The following CHRD variants were observed in gnomAD, a reference collection of about 807,000 sequenced individuals.
CHRD encodes chordin.
A neutral mutation model predicts 113.7 loss-of-function variants in CHRD; 69 were observed. The ratio of observed to expected loss-of-function variants is 0.61; its 90% confidence interval spans 0.50 to 0.74. The LOEUF (loss-of-function observed/expected upper bound fraction) is 0.74. CHRD is among the 30% of genes least tolerant of loss of function. CHRD has a pLI of 0.00. For synonymous variants in CHRD, 561 were observed against 540.8 expected (o/e 1.04, Z -0.52); for missense variants, 1,194 against 1,295.8 (o/e 0.92, Z 1.21).
rs752848515 is a variant in CHRD at position 184,387,935 on chromosome 3, G to C, written c.2456G>C (p.Gly819Ala). Residue 819 changes from glycine (G) to alanine (A), a missense_variant, in exon 20 of 23, where the codon GGC becomes GCC. Coordinates refer to ENST00000204604, the Ensembl canonical transcript of CHRD. This position sits in a 1 kb window ranked among gnomAD's most constrained non-coding sequence, Gnocchi z 6.1. Reference sequence around the variant, plus strand: ...TTGCTCAATGGATCCCTACAGGGGGGCACTGGAGAGGTGCACTGTGAGAAG... The same window carrying C: ...TTGCTCAATGGATCCCTACAGGGGGCCACTGGAGAGGTGCACTGTGAGAAG... The C allele has an allele frequency of 5.0e-6, 8 of 1,611,304 alleles. No homozygotes were observed. Among genetic ancestry groups the C allele is most frequent in the Admixed American group, 3.4e-5 (2 of 59,604 alleles).
rs1715563092 is a variant in CHRD, at chr3:184,382,318, TG to T, written c.700-70del. ...TTCCATGTTCCTTTTTCATAAGCCC[TG>T]CCTGGGCATCCTAATTGGCCTAGCC... On this transcript the variant is annotated intron_variant, in intron 6 of 22. Transcript: ENST00000204604. 7 of 1,596,510 alleles carry T rather than the reference TG, an allele frequency of 4.4e-6. No individual in the cohort carries two copies. In the South Asian group the frequency reaches 7.8e-5, roughly 18 times the overall value.
chr3:184,381,615 G>A lies in CHRD; in HGVS notation c.502G>A (p.Gly168Ser). ...CGCTGAGGAGCGGGCCCGTGGTGAC[G>A]GCCACACGGGTAGGGGGCTGGCGAA... The change falls in exon 4 of 23, where the codon GGC (glycine) becomes AGC (serine). Residue 168 changes from glycine to serine, a missense_variant. Physicochemically the swap from Gly to Ser is moderately conservative, Grantham distance 56. Coordinates refer to ENST00000204604, the Ensembl canonical transcript of CHRD. This position sits in a 1 kb window ranked among gnomAD's most constrained non-coding sequence, Gnocchi z 4.7. 2 of 1,606,188 alleles carry A rather than the reference G, an allele frequency of 1.2e-6. No individual in the cohort carries two copies. Among genetic ancestry groups the A allele is most frequent in the Non-Finnish European group, 1.7e-6 (2 of 1,176,176 alleles).
At position 184,380,371 on chromosome 3, in the gene CHRD, T is replaced by A; in HGVS notation, c.53T>A (p.Leu18Gln). The A allele has an allele frequency of 7.4e-7, 1 of 1,344,416 alleles. No homozygotes were observed. The highest frequency in any genetic ancestry group is 9.6e-7 in the Non-Finnish European group (1 of 1,036,850). The allele number at this position is 1,344,416 out of a possible 1,614,324, so 83.3% of individuals were successfully genotyped here. A position where few individuals can be genotyped will look rare whatever the true frequency, so the allele number is the denominator to read the frequency against. ...CCGCTGCTGCTCCTCGGGCTGCTGC[T>A]GCTCGGCTCCCGGCCGGCCCGCGGC... is the stretch of plus-strand genomic sequence containing the variant. The change falls in exon 1 of 23, where the codon CTG (leucine) becomes CAG (glutamine). Residue 18 changes from leucine to glutamine, a missense_variant. Physicochemically the swap from Leu to Gln is moderately radical, Grantham distance 113. Coordinates refer to ENST00000204604, the Ensembl canonical transcript of CHRD. This position sits in a 1 kb window ranked among gnomAD's most constrained non-coding sequence, Gnocchi z 6.3.
In CHRD at chr3:184,387,832, C is replaced by A; in HGVS notation, c.2452-99C>A. On this transcript the variant is annotated intron_variant, in intron 19 of 22. Coordinates refer to ENST00000204604, the Ensembl canonical transcript of CHRD. The surrounding 1 kb of genome is among the most constrained non-coding windows in gnomAD (Gnocchi z 6.1). ...CAGTCCGGGCCTCTGAGTAAAAGGC[C>A]ACAGAGAGACTGCATTTGAGGTGTG... 8.9e-7 allele frequency: 1 copy of A among 1,120,940 alleles called. No individual in the cohort carries two copies. Among genetic ancestry groups the A allele is most frequent in the Non-Finnish European group, 1.3e-6 (1 of 758,556 alleles). The allele number at this position is 1,120,940 out of a possible 1,614,324, so 69.4% of individuals were successfully genotyped here. A position where few individuals can be genotyped will look rare whatever the true frequency, so the allele number is the denominator to read the frequency against.
In CHRD at chr3:184,381,235, C is replaced by T. The variant is rs1457647875; in HGVS notation, c.253C>T (p.Pro85Ser). The T allele has an allele frequency of 1.2e-6, 2 of 1,613,258 alleles. No homozygotes were observed. The highest frequency in any genetic ancestry group is 2.2e-5 in the East Asian group (1 of 44,864). Residue 85 changes from proline to serine, a missense_variant and splice_region_variant, in exon 3 of 23, where the codon CCT becomes TCT. Physicochemically the swap from Pro to Ser is moderately conservative, Grantham distance 74. Transcript: ENST00000204604. This position sits in a 1 kb window ranked among gnomAD's most constrained non-coding sequence, Gnocchi z 4.7. ...GGTTTCCCGCCTTTTCCGGGAGCAG[C>T]CTCAGTGGGGTCGCCGTACCAGGGG...
Position 184,381,825 on chromosome 3 carries a change from G to C in CHRD, c.611+10G>C. Reference sequence around the variant, plus strand: ...CTATCTCCTACAGGCGGTGAGAAAGGGGAAGGAGCAAGGAGGGGTCAGCTG... The same window carrying C: ...CTATCTCCTACAGGCGGTGAGAAAGCGGAAGGAGCAAGGAGGGGTCAGCTG... On this transcript the variant is annotated intron_variant, in intron 5 of 22. Coordinates refer to ENST00000204604, the Ensembl canonical transcript of CHRD. The surrounding 1 kb of genome is among the most constrained non-coding windows in gnomAD (Gnocchi z 4.7). 1 of 1,612,790 alleles carries C rather than the reference G, an allele frequency of 6.2e-7. No individual in the cohort carries two copies. The highest frequency in any genetic ancestry group is 1.1e-5 in the South Asian group (1 of 90,936).
Position 184,381,758 on chromosome 3 carries a change from C to CTG in CHRD, c.554_555insTG (p.Arg186AspfsTer75). On this transcript the variant is annotated frameshift_variant, in exon 5 of 23. Transcript: ENST00000204604. LOFTEE classifies it high-confidence loss of function. This position sits in a 1 kb window ranked among gnomAD's most constrained non-coding sequence, Gnocchi z 4.7. ...ACAGGGCCGAGGTCGCAGGCGGTGG[C>CTG]ACGAGCCCGAGTCTCGCTGCTGCGC... 6.2e-7 allele frequency: 1 copy of CTG among 1,613,174 alleles called. No individual in the cohort carries two copies.
Position 184,381,201 on chromosome 3 carries a change from A to C in CHRD, c.253-34A>C, listed in dbSNP as rs775197496. 6.8e-6 allele frequency: 11 copies of C among 1,611,902 alleles called. No homozygotes were observed. The Admixed American group carries it at 8.3e-5, about 12-fold the overall frequency. ...GGGGTCTCATCAGTTGGCATCTTGC[A>C]CTCACTTGGGTTTCCCGCCTTTTCC... On this transcript the variant is annotated intron_variant, in intron 2 of 22. Transcript: ENST00000204604. The surrounding 1 kb of genome is among the most constrained non-coding windows in gnomAD (Gnocchi z 4.7).
chr3:184,380,818 C>G lies in CHRD; in HGVS notation c.252+23C>G. 6.5e-7 allele frequency: 1 copy of G among 1,547,530 alleles called. No individual in the cohort carries two copies. Among genetic ancestry groups the G allele is most frequent in the Non-Finnish European group, 8.7e-7 (1 of 1,152,952 alleles). ...GCGGTGAGTGCACCCCGCGGCCGGC[C>G]CGGGCCCTGGCGGGTGGGGAGCGCC... On this transcript the variant is annotated intron_variant, in intron 2 of 22. Transcript: ENST00000204604. The surrounding 1 kb of genome is among the most constrained non-coding windows in gnomAD (Gnocchi z 6.3).
chr3:184,383,476 G>A (rs1715795216), intron 11 of CHRD, 47 bp from the exon 12 acceptor site: 18 of 1,613,540 alleles, frequency 1.1e-5, no homozygotes, highest in Non-Finnish European at 1.4e-5. Flanking sequence ...CAGGCCCCAG[G>A]CCTTTACTGC....
chr3:184,386,130 G>A (rs1716239421), exon 15 of CHRD: 2 of 1,614,098 alleles, frequency 1.2e-6, no homozygotes. Flanking sequence ...CACCACCAAG[G>A]GTAGCCCCAG....
At position 184,380,223 on chromosome 3, in the gene CHRD, C is replaced by G. The variant is rs1715047485; in HGVS notation, c.-96C>G. On this transcript the variant is annotated 5_prime_UTR_variant, in exon 1 of 23. Coordinates refer to ENST00000204604, the Ensembl canonical transcript of CHRD. This position sits in a 1 kb window ranked among gnomAD's most constrained non-coding sequence, Gnocchi z 6.3. The stretch of plus-strand genomic sequence containing the variant: ...CGGCCCCCTCCCGCCGCACCGCCCC[C>G]GGCCCGGCCCTCCGCCCTCCGCACT... The G allele has an allele frequency of 2.7e-6, 1 of 369,240 alleles. No individual in the cohort carries two copies. The highest frequency in any genetic ancestry group is 3.9e-6 in the Non-Finnish European group (1 of 253,858). The allele number at this position is 369,240 out of a possible 1,614,324, so 22.9% of individuals were successfully genotyped here.
At chr3:184,386,354 G>T in intron 15 of CHRD, 138 bp from the exon 16 acceptor site, 2 of 1,328,988 alleles carry the variant, frequency 1.5e-6, no homozygotes, top group Non-Finnish European at 2.1e-6. Context: ...CAGCTGAGAT[G>T]ATTGTGGAGC....
Position 184,380,346 on chromosome 3 carries a change from C to T in CHRD, c.28C>T (p.Pro10Ser). Residue 10 changes from proline (P) to serine (S), a missense_variant, in exon 1 of 23, where the codon CCG becomes TCG. By Grantham distance (74) the Pro-to-Ser change is moderately conservative. Coordinates refer to ENST00000204604, the Ensembl canonical transcript of CHRD. This position sits in a 1 kb window ranked among gnomAD's most constrained non-coding sequence, Gnocchi z 6.3. ...GCCGAGCCTCCCGGCCCCGCCGGCCCCGCTGCTGCTCCTCGGGCTGCTGCT... is the reference window on the plus strand; with the variant it reads ...GCCGAGCCTCCCGGCCCCGCCGGCCTCGCTGCTGCTCCTCGGGCTGCTGCT... The T allele has an allele frequency of 7.4e-7, 1 of 1,358,170 alleles. No homozygotes were observed. The allele number at this position is 1,358,170 out of a possible 1,614,324, so 84.1% of individuals were successfully genotyped here. A position where few individuals can be genotyped will look rare whatever the true frequency, so the allele number is the denominator to read the frequency against.
rs918630405 is a variant in CHRD, at chr3:184,387,286, G to A, written c.2348-88G>A. 1.7e-5 allele frequency: 25 copies of A among 1,466,202 alleles called. No homozygotes were observed. Among genetic ancestry groups the A allele is most frequent in the Admixed American group, 6.0e-5 (3 of 50,374 alleles). 90.8% of individuals were successfully genotyped at this position (1,466,202 alleles called of 1,614,324 possible). A position where few individuals can be genotyped will look rare whatever the true frequency, so the allele number is the denominator to read the frequency against. On this transcript the variant is annotated intron_variant, in intron 18 of 22. Coordinates refer to ENST00000204604, the Ensembl canonical transcript of CHRD. The surrounding 1 kb of genome is among the most constrained non-coding windows in gnomAD (Gnocchi z 6.1). ...CCAGGTGGGCCCTTGGCTTAGGCTC[G>A]TGTGGGGGTGGCCTGAGGCTCAAGC... is the stretch of plus-strand genomic sequence containing the variant.
exon 7 of CHRD, chr3:184,382,471 T>A: frequency 6.2e-7 from 1 of 1,614,054 alleles, no homozygotes; most frequent in Non-Finnish European, 8.5e-7. Context: ...CTTGTGACAC[T>A]CACTCACCCT....
At chr3:184,389,901 G>A (rs138291290), downstream of CHRD, 56 of 158,178 alleles carry the variant, frequency 3.5e-4, no homozygotes, top group Non-Finnish European at 7.3e-4. Flanking sequence ...CAGAGAGTAG[G>A]AGGTGAGAGA....
chr3:184,384,775 G>A lies in CHRD; in HGVS notation c.1597+82G>A. ...GTGGCAGACAGCCGGAGCCTGGTGT[G>A]TCTTTCTTTGTGCCTAAGCTCCGGT... On this transcript the variant is annotated intron_variant, in intron 13 of 22. Coordinates refer to ENST00000204604, the Ensembl canonical transcript of CHRD. This position sits in a 1 kb window ranked among gnomAD's most constrained non-coding sequence, Gnocchi z 4.4. The A allele has an allele frequency of 1.4e-6, 2 of 1,472,898 alleles. No individual in the cohort carries two copies. The highest frequency in any genetic ancestry group is 9.0e-7 in the Non-Finnish European group (1 of 1,109,552). 91.2% of individuals were successfully genotyped at this position (1,472,898 alleles called of 1,614,324 possible).
Position 184,380,586 on chromosome 3 carries a change from G to C in CHRD, c.149-106G>C. 1 of 1,039,624 alleles carries C rather than the reference G, an allele frequency of 9.6e-7. No homozygotes were observed. Among genetic ancestry groups the C allele is most frequent in the South Asian group, 4.0e-5 (1 of 24,694 alleles). The allele number at this position is 1,039,624 out of a possible 1,614,324, so 64.4% of individuals were successfully genotyped here. On this transcript the variant is annotated intron_variant, in intron 1 of 22. Transcript: ENST00000204604. This position sits in a 1 kb window ranked among gnomAD's most constrained non-coding sequence, Gnocchi z 6.3. Reference sequence around the variant, plus strand: ...GCGGCGGGCGGCCCGGAGGGTGGGCGGGGGCAGAAGGGCGCGGTGCCTGGG... The same window carrying C: ...GCGGCGGGCGGCCCGGAGGGTGGGCCGGGGCAGAAGGGCGCGGTGCCTGGG...
Sources: gnomAD v4.1 joint callset for allele counts on GRCh38, gnomAD v4.1.1 for gene constraint, Gnocchi (gnomAD v3.1) non-coding constraint, MANE v1.5 for transcripts, NCBI Gene and HGNC (gene_info 2026-07-23, HGNC 2026-07-21) for gene names.